MYO3A: variants seen among roughly 807,000 people sequenced by gnomAD.
MYO3A encodes the protein myosin-IIIa.
Under a neutral mutation model 192.7 loss-of-function variants are expected in MYO3A, and 180 were observed. That is an observed-to-expected ratio of 0.93 (90% CI 0.83 to 1.06). The LOEUF (loss-of-function observed/expected upper bound fraction) is 1.06, where lower values mean the gene tolerates loss of function less well. Among genes scored for constraint, MYO3A ranks in the 50% least tolerant of loss-of-function variants. The probability of loss-of-function intolerance (pLI) is 0.00; values close to 1 mark genes in which losing one functional copy is unlikely to be tolerated. For synonymous variants in MYO3A, 628 were observed against 645.3 expected (o/e 0.97, Z 0.41); for missense variants, 1,896 against 1,905.0 (o/e 1.00, Z 0.09).
intron 2 of MYO3A, among the ~76,000 whole-genome samples, chr10:25,938,244 T>C (rs1049926159): frequency 6.6e-6 from 1 of 152,210 alleles, no homozygotes; most frequent in Non-Finnish European, 1.5e-5. Flanking sequence ...ACCAGTCTGA[T>C]AGAGGCTTGG....
chr10:26,032,622 C>CA (rs1022433856), intron 10 of MYO3A, among the ~76,000 whole-genome samples: 29 of 148,902 alleles, frequency 1.9e-4, no homozygotes, highest in Admixed American at 1.3e-3. Flanking sequence ...TCTCAAAAAA[C>CA]AAAAAAACAA....
chr10:26,210,724 C>T (rs1403181187), intron 34 of MYO3A, among the ~76,000 whole-genome samples: 3 of 151,954 alleles, frequency 2.0e-5, no homozygotes, highest in Non-Finnish European at 4.4e-5. Context: ...TATCCTCATT[C>T]CTCCTTCTCT....
intron 10 of MYO3A, among the ~76,000 whole-genome samples, chr10:26,042,686 T>A (rs906227522): frequency 6.6e-6 from 1 of 152,238 alleles, no homozygotes; most frequent in Non-Finnish European, 1.5e-5. Flanking sequence ...TAGTTAAATT[T>A]ATCTGATAGA....
chr10:25,952,345 A>C, intron 3 of MYO3A, 67 bp downstream of exon 3: 1 of 1,468,992 alleles, frequency 6.8e-7, no homozygotes, highest in Non-Finnish European at 9.4e-7. Context: ...AAAAGACTGT[A>C]TTTTATCTTG....
chr10:25,965,070 C>T (rs1564410666), intron 4 of MYO3A, among the ~76,000 whole-genome samples: 1 of 152,016 alleles, frequency 6.6e-6, no homozygotes, highest in Non-Finnish European at 1.5e-5. Flanking sequence ...TATTAAATGC[C>T]TTGAGGTAGT....
At chr10:26,022,245 A>G (rs1253611009) in intron 8 of MYO3A, 2 of 152,166 alleles carry the variant, frequency 1.3e-5, no homozygotes, top group Non-Finnish European at 2.9e-5. Context: ...TTCCCCTACT[A>G]TCCTATAAAC....
intron 10 of MYO3A, among the ~76,000 whole-genome samples, chr10:26,047,647 C>A (rs948765502): frequency 1.3e-5 from 2 of 151,916 alleles, no homozygotes; most frequent in Non-Finnish European, 2.9e-5. Flanking sequence ...TGGTGGCAGG[C>A]GCCTGTAGTC....
intron 10 of MYO3A, among the ~76,000 whole-genome samples, chr10:26,049,183 G>C (rs1178659930): frequency 2.6e-5 from 4 of 152,162 alleles, no homozygotes; most frequent in African/African-American, 9.7e-5. Flanking sequence ...ATATCAAGAT[G>C]ACATACTCAT....
At chr10:26,054,626 T>G (rs900604476) in intron 10 of MYO3A, among the ~76,000 whole-genome samples, 2 of 152,166 alleles carry the variant, frequency 1.3e-5, no homozygotes, top group Non-Finnish European at 2.9e-5. Context: ...GGGGAAATTA[T>G]CCGGGATTAG....
intron 10 of MYO3A, among the ~76,000 whole-genome samples, chr10:26,033,700 A>G (rs1441263947): frequency 6.6e-6 from 1 of 152,200 alleles, no homozygotes; most frequent in Non-Finnish European, 1.5e-5. Flanking sequence ...ACAGGATAAG[A>G]CAAGAACATA....
chr10:26,005,280 G>A (rs1420733640), intron 6 of MYO3A, among the ~76,000 whole-genome samples: 1 of 151,926 alleles, frequency 6.6e-6, no homozygotes, highest in Non-Finnish European at 1.5e-5. Context: ...CCCAAATTCA[G>A]GAACAGTCTA....
At chr10:26,079,939 C>T (rs1483951139) in intron 14 of MYO3A, among the ~76,000 whole-genome samples, 2 of 152,198 alleles carry the variant, frequency 1.3e-5, no homozygotes, top group African/African-American at 4.8e-5. Flanking sequence ...TTCTGTCTCA[C>T]AGCTCTTAAG....
chr10:25,944,500 G>T (rs1836708907), intron 2 of MYO3A, among the ~76,000 whole-genome samples: 1 of 152,050 alleles, frequency 6.6e-6, no homozygotes. Context: ...ATGTTTGGTA[G>T]AATTCACCAG....
At chr10:26,066,121 C>CA (rs1331706742) in intron 10 of MYO3A, among the ~76,000 whole-genome samples, 7,794 of 19,224 alleles carry the variant, frequency 0.41, 2,023 homozygotes, top group Middle Eastern at 0.64. Context: ...AACTCCGTCT[C>CA]AAAAAAAAAA....
chr10:26,202,928 A>C, intron 33 of MYO3A, 36 bp from the exon 34 acceptor site: 1 of 1,610,226 alleles, frequency 6.2e-7, no homozygotes, highest in Non-Finnish European at 8.5e-7. Flanking sequence ...AGAAAATTAG[A>C]TTGATGCAAT....
intron 10 of MYO3A, among the ~76,000 whole-genome samples, chr10:26,028,921 A>G (rs528095718): frequency 9.8e-5 from 15 of 152,312 alleles, no homozygotes; most frequent in African/African-American, 3.4e-4. Context: ...GGCTGCTTGC[A>G]TGCTTGCCCA....
chr10:26,095,639 G>A (rs1187576515), intron 15 of MYO3A, among the ~76,000 whole-genome samples: 2 of 152,224 alleles, frequency 1.3e-5, no homozygotes, highest in Admixed American at 6.5e-5. Context: ...CAAGGTCCAA[G>A]AAATTATGTT....
chr10:26,061,027 C>T (rs1467078962), intron 10 of MYO3A, among the ~76,000 whole-genome samples: 2 of 152,072 alleles, frequency 1.3e-5, no homozygotes, highest in East Asian at 3.9e-4. Context: ...CTCCTGGGTT[C>T]ATGCCATTCT....
chr10:26,104,295 G>C (rs567650473), intron 17 of MYO3A, among the ~76,000 whole-genome samples: 1 of 152,178 alleles, frequency 6.6e-6, no homozygotes, highest in South Asian at 2.1e-4. Context: ...TTATGCCTAA[G>C]CTTTCTTCTT....
Sources: allele counts gnomAD v4.1 joint callset (sites outside exome capture counted in the v4.1 genomes callset), GRCh38; gene constraint gnomAD v4.1.1; transcripts MANE v1.5; gene names NCBI Gene and HGNC (gene_info 2026-07-23, HGNC 2026-07-21).